CFAP20DC: variants seen among roughly 807,000 people sequenced by gnomAD.
CFAP20DC encodes the protein CFAP20 domain containing.
In CFAP20DC, 84 loss-of-function variants were observed where a neutral mutation model predicts 101.7. The ratio of observed to expected loss-of-function variants is 0.83; its 90% confidence interval spans 0.69 to 0.99. CFAP20DC has a LOEUF of 0.99. Among genes scored for constraint, CFAP20DC ranks in the 50% least tolerant of loss-of-function variants. The pLI, the probability that CFAP20DC is intolerant of heterozygous loss-of-function variation, is 0.00. For missense variants in CFAP20DC, 1,007 were observed against 970.3 expected (o/e 1.04, Z -0.50); for synonymous variants, 359 against 351.2 (o/e 1.02, Z -0.25).
At chr3:59,025,168 T>C (rs540586973) in intron 4 of CFAP20DC, among the ~76,000 whole-genome samples, 79 of 152,326 alleles carry the variant, frequency 5.2e-4, no homozygotes, top group African/African-American at 1.8e-3. Context: ...AGAACTCTGA[T>C]GCCAGGACTT....
In CFAP20DC at chr3:58,889,637, G is replaced by A. The variant is rs2081984580; in HGVS notation, c.551-4928C>T. ...CAGGGTCATGGGACAATAGTGGAGG[G>A]AAGGTCAGCAGATAAACAAGTGAAC... On this transcript the variant is annotated intron_variant, in intron 6 of 16. Coordinates refer to ENST00000482387, the MANE Select transcript of CFAP20DC (RefSeq NM_001394063.1). Among the ~76,000 whole-genome samples, 4 of 145,516 alleles carry A rather than the reference G, an allele frequency of 2.7e-5. No individual in the cohort carries two copies. The South Asian group carries it at 9.4e-4, about 34-fold the overall frequency.
chr3:58,935,443 C>G (rs1407521357), intron 5 of CFAP20DC, among the ~76,000 whole-genome samples: 1 of 151,704 alleles, frequency 6.6e-6, no homozygotes, highest in Non-Finnish European at 1.5e-5. Context: ...CATATGGAAC[C>G]AAAAAAGAGC....
chr3:58,988,929 C>T (rs1460495715), intron 4 of CFAP20DC, among the ~76,000 whole-genome samples: 1 of 151,960 alleles, frequency 6.6e-6, no homozygotes, highest in African/African-American at 2.4e-5. Flanking sequence ...ATGTCTTTTG[C>T]CAGGAGTTCA....
At chr3:58,884,926 C>CTCATTTATGGA (rs2081498745) in intron 6 of CFAP20DC, among the ~76,000 whole-genome samples, 1 of 152,132 alleles carries the variant, frequency 6.6e-6, no homozygotes, top group African/African-American at 2.4e-5. Flanking sequence ...ATAAAGCTTA[C>CTCATTTATGGA]ACTATATGGA....
chr3:58,730,019 A>C (rs1347067054), intron 3 of CFAP20DC, among the ~76,000 whole-genome samples: 1 of 121,346 alleles, frequency 8.2e-6, no homozygotes, highest in Non-Finnish European at 1.7e-5. Context: ...ACCTGTCTCC[A>C]AAAAAAAAAA....
At chr3:58,908,871 C>G (rs190797393) in intron 6 of CFAP20DC, among the ~76,000 whole-genome samples, 16 of 152,062 alleles carry the variant, frequency 1.1e-4, no homozygotes, top group Admixed American at 2.6e-4. Context: ...ACCTTAAATG[C>G]GTATTACTAA....
intron 12 of CFAP20DC, among the ~76,000 whole-genome samples, chr3:58,855,802 A>G (rs1176710803): frequency 1.5e-5 from 2 of 135,224 alleles, no homozygotes; most frequent in African/African-American, 5.6e-5. Flanking sequence ...ACATGGACAC[A>G]GAAAGGGGAA....
chr3:58,870,750 C>T (rs1388265555), intron 7 of CFAP20DC, among the ~76,000 whole-genome samples: 11 of 148,050 alleles, frequency 7.4e-5, no homozygotes, highest in African/African-American at 2.2e-4. Context: ...TAGCCAGGCG[C>T]GGTGGCGGGC....
In CFAP20DC at chr3:58,861,897, AG is replaced by A. The variant is rs763445962; in HGVS notation, c.1593+1660del. 1.0e-6 allele frequency: 1 copy of A among 985,340 alleles called. No homozygotes were observed. Among genetic ancestry groups the A allele is most frequent in the Non-Finnish European group, 1.2e-6 (1 of 829,930 alleles). The allele number at this position is 985,340 out of a possible 1,614,324, so 61.0% of individuals were successfully genotyped here. ...GATAAATTTGTTTTCAATTTTATGT[AG>A]TTGGTAACAAATACACATCTGCATA... On this transcript the variant is annotated intron_variant, in intron 12 of 16. Transcript: ENST00000482387. This position sits in a 1 kb window ranked among gnomAD's most constrained non-coding sequence, Gnocchi z 4.0.
chr3:58,741,954 G>T, downstream of CFAP20DC: 2 of 406,942 alleles, frequency 4.9e-6, no homozygotes, highest in Non-Finnish European at 6.6e-6. Context: ...GTATCATATA[G>T]GAATATTCTG....
chr3:59,042,441 G>A (rs557417809), intron 3 of CFAP20DC, among the ~76,000 whole-genome samples: 3 of 152,084 alleles, frequency 2.0e-5, no homozygotes, highest in African/African-American at 7.2e-5. Context: ...ATTCTCGGGG[G>A]TAAATGCTGT....
chr3:59,047,307 C>T (rs1256505458), intron 1 of CFAP20DC, 53 bp from the exon 2 acceptor site: 4 of 1,198,780 alleles, frequency 3.3e-6, no homozygotes, highest in Middle Eastern at 1.9e-4. Context: ...GAAGTATTAT[C>T]CACCACATAG....
chr3:58,918,584 T>C (rs1240096766), intron 5 of CFAP20DC, among the ~76,000 whole-genome samples: 2 of 152,218 alleles, frequency 1.3e-5, no homozygotes, highest in Non-Finnish European at 2.9e-5. Flanking sequence ...TCATTCACTT[T>C]TAAAATTTTG....
chr3:58,785,534 A>G (rs1473173803), intron 15 of CFAP20DC, among the ~76,000 whole-genome samples: 3 of 152,120 alleles, frequency 2.0e-5, no homozygotes, highest in African/African-American at 7.2e-5. Flanking sequence ...AAAAGATCAT[A>G]TGTACTCCAT....
intron 4 of CFAP20DC, among the ~76,000 whole-genome samples, chr3:58,957,428 T>C (rs781624836): frequency 1.2e-4 from 18 of 152,208 alleles, no homozygotes; most frequent in Non-Finnish European, 2.2e-4. Flanking sequence ...ACAGCCACTA[T>C]GGAGAACAGT....
chr3:58,798,307 G>A (rs745375912), intron 15 of CFAP20DC, among the ~76,000 whole-genome samples: 6 of 152,122 alleles, frequency 3.9e-5, no homozygotes, highest in Non-Finnish European at 7.4e-5. Context: ...AGAAGTTTGG[G>A]AGAAATCAGT....
chr3:58,819,893 A>G (rs2075496015), intron 14 of CFAP20DC, among the ~76,000 whole-genome samples: 1 of 147,608 alleles, frequency 6.8e-6, no homozygotes, highest in Admixed American at 6.8e-5. Context: ...AAAATCCTCA[A>G]TAAAATACTG....
intron 4 of CFAP20DC, among the ~76,000 whole-genome samples, chr3:58,941,327 CAAAA>C (rs752324535): frequency 1.0e-4 from 2 of 19,530 alleles, no homozygotes; most frequent in Non-Finnish European, 1.8e-4. Context: ...GACTCCGTCT[CAAAA>C]AAAAAAAAAA....
At chr3:58,849,945 T>A (rs1388828761) in intron 12 of CFAP20DC, among the ~76,000 whole-genome samples, 1 of 152,196 alleles carries the variant, frequency 6.6e-6, no homozygotes, top group Non-Finnish European at 1.5e-5. Context: ...ACATGTTTTA[T>A]AAAGTATTTT....
Sources: allele counts gnomAD v4.1 joint callset (sites outside exome capture counted in the v4.1 genomes callset), GRCh38; gene constraint gnomAD v4.1.1; non-coding constraint Gnocchi (gnomAD v3.1); transcripts MANE v1.5; gene names NCBI Gene and HGNC (gene_info 2026-07-23, HGNC 2026-07-21).